SNRPN: variants seen among roughly 807,000 people sequenced by gnomAD.
SNRPN encodes small nuclear ribonucleoprotein polypeptide N.
A neutral mutation model predicts 25.2 loss-of-function variants in SNRPN; 7 were observed. That is an observed-to-expected ratio of 0.28 (90% CI 0.16 to 0.52). SNRPN has a LOEUF of 0.52. SNRPN is among the 20% of genes least tolerant of loss of function. SNRPN has a pLI of 0.96. For synonymous variants in SNRPN, 124 were observed against 110.6 expected (o/e 1.12, Z -0.76); for missense variants, 196 against 322.5 (o/e 0.61, Z 3.00).
At chr15:24,973,251 A>G (rs957533149) in intron 3 of SNRPN, among the ~76,000 whole-genome samples, 1 of 152,068 alleles carries the variant, frequency 6.6e-6, no homozygotes, top group East Asian at 1.9e-4. Flanking sequence ...CATGATATAC[A>G]GGTTTGTAGC....
intron 1 of SNRPN, among the ~76,000 whole-genome samples, chr15:24,864,692 C>T (rs2054397756): frequency 6.6e-6 from 1 of 151,900 alleles, no homozygotes; most frequent in Non-Finnish European, 1.5e-5. Flanking sequence ...TACATTTCCC[C>T]CCTATGCTCC....
chr15:24,907,599 A>G (rs1179667018), intron 2 of SNRPN, among the ~76,000 whole-genome samples: 1 of 151,962 alleles, frequency 6.6e-6, no homozygotes, highest in Admixed American at 6.6e-5. Context: ...CTCCATCTCA[A>G]AAAAAAGAAA....
chr15:24,905,615 G>C (rs1019947340), intron 2 of SNRPN, among the ~76,000 whole-genome samples: 4 of 152,030 alleles, frequency 2.6e-5, no homozygotes, highest in Admixed American at 2.0e-4. Flanking sequence ...TGTAACATTT[G>C]TTGGGACTTG....
chr15:24,857,382 T>A (rs750250115), intron 1 of SNRPN, among the ~76,000 whole-genome samples: 6 of 152,218 alleles, frequency 3.9e-5, no homozygotes, highest in Admixed American at 6.5e-5. Context: ...TATATTTTTT[T>A]CTTACTATTT....
chr15:24,918,342 A>ATATATATATAACATTATATATATGTG (rs2059672093), intron 2 of SNRPN, among the ~76,000 whole-genome samples: 1 of 47,098 alleles, frequency 2.1e-5, no homozygotes, highest in Admixed American at 2.3e-4. Context: ...ATATATGTGT[A>ATATATATATAACATTATATATATGTG]TATATATATA....
chr15:24,919,294 C>A (rs549406024), intron 2 of SNRPN, among the ~76,000 whole-genome samples: 63 of 151,540 alleles, frequency 4.2e-4, no homozygotes, highest in African/African-American at 1.4e-3. Flanking sequence ...AGCCGGGCGT[C>A]GTGGCGGGCA....
At chr15:24,913,389 T>A (rs2059332449) in intron 2 of SNRPN, among the ~76,000 whole-genome samples, 1 of 152,064 alleles carries the variant, frequency 6.6e-6, no homozygotes, top group Admixed American at 6.5e-5. Context: ...ACGCCTGTAA[T>A]CTCAGCACTT....
At chr15:24,832,899 G>T (rs964521930) in intron 2 of SNRPN, among the ~76,000 whole-genome samples, 1 of 151,908 alleles carries the variant, frequency 6.6e-6, no homozygotes, top group Non-Finnish European at 1.5e-5. Flanking sequence ...GAGGTCAGGA[G>T]ATCGAGGCCA....
chr15:24,835,367 C>G lies in SNRPN; in HGVS notation c.-579+5462C>G, dbSNP rs1049079972. 1.2e-4 allele frequency among the ~76,000 whole-genome samples: 18 copies of G among 151,620 alleles called. 1 individual carries two copies. Among genetic ancestry groups the G allele is most frequent in the African/African-American group, 1.9e-4 (8 of 41,204 alleles). On this transcript the variant is annotated intron_variant, in intron 2 of 12. Coordinates refer to the SNRPN transcript ENST00000400100. Reference sequence around the variant, plus strand: ...TGTCCAATTTTGTTCAAACTTTAATCAAATGCCTAAGAATTTAAAATTACC... The same window carrying G: ...TGTCCAATTTTGTTCAAACTTTAATGAAATGCCTAAGAATTTAAAATTACC...
At chr15:24,934,994 G>A (rs1388989865) in intron 3 of SNRPN, among the ~76,000 whole-genome samples, 2 of 152,098 alleles carry the variant, frequency 1.3e-5, no homozygotes, top group Non-Finnish European at 2.9e-5. Flanking sequence ...TTTTTGTGCC[G>A]GGTTCAGTGG....
At chr15:24,837,430 G>A (rs568767658) in intron 2 of SNRPN, among the ~76,000 whole-genome samples, 2 of 150,548 alleles carry the variant, frequency 1.3e-5, no homozygotes, top group African/African-American at 2.5e-5. Context: ...TGCAGTGGCT[G>A]CGATCTTGGC....
intron 1 of SNRPN, among the ~76,000 whole-genome samples, chr15:24,960,140 C>G (rs1383714928): frequency 6.6e-6 from 1 of 151,408 alleles, no homozygotes; most frequent in Non-Finnish European, 1.5e-5. Flanking sequence ...TGGTGCATGC[C>G]TGTAATCCCA....
chr15:24,972,599 A>G (rs2076563336), intron 3 of SNRPN, among the ~76,000 whole-genome samples: 1 of 145,526 alleles, frequency 6.9e-6, no homozygotes, highest in Admixed American at 7.0e-5. Context: ...GCTGGAGTGC[A>G]ATGGTGCGAT....
intron 1 of SNRPN, among the ~76,000 whole-genome samples, chr15:24,869,842 T>G (rs1246486340): frequency 2.0e-5 from 3 of 152,202 alleles, no homozygotes; most frequent in Admixed American, 2.0e-4. Context: ...AGTTATGCTC[T>G]ACCTCCTTAT....
intron 2 of SNRPN, among the ~76,000 whole-genome samples, chr15:24,835,551 G>C (rs1199567678): frequency 6.6e-6 from 1 of 151,980 alleles, no homozygotes; most frequent in Non-Finnish European, 1.5e-5. Context: ...ATGTGTTTAG[G>C]AATACTAAAA....
chr15:24,967,779 G>A (rs921524948), intron 2 of SNRPN, among the ~76,000 whole-genome samples, 153 bp from the exon 3 acceptor site: 2 of 140,792 alleles, frequency 1.4e-5, no homozygotes, highest in African/African-American at 2.7e-5. Flanking sequence ...TTGCACTCCA[G>A]CCTGGGCAAC....
Position 24,977,809 on chromosome 15 carries a change from C to A in SNRPN, c.452C>A (p.Ala151Glu). Residue 151 changes from alanine (A) to glutamate (E), a missense_variant, in exon 8 of 10, where the codon GCA (alanine) becomes GAA (glutamate). Coordinates refer to ENST00000390687, the MANE Select transcript of SNRPN (RefSeq NM_003097.6). ...VMTPQGRGTV[A>E]AAAVAATASI... ...ACTCCACAGGGAAGAGGCACTGTAG[C>A]AGCTGCTGCTGTTGCTGCGACTGCC... is the stretch of plus-strand genomic sequence containing the variant. 2 of 1,613,160 alleles carry A rather than the reference C, an allele frequency of 1.2e-6. No homozygotes were observed. The highest frequency in any genetic ancestry group is 8.5e-7 in the Non-Finnish European group (1 of 1,179,476).
At chr15:24,947,810 G>T (rs1259695831) in intron 3 of SNRPN, among the ~76,000 whole-genome samples, 1 of 152,088 alleles carries the variant, frequency 6.6e-6, no homozygotes, top group Admixed American at 6.5e-5. Context: ...TAAGGAAAAA[G>T]AAAGTAATTT....
intron 1 of SNRPN, among the ~76,000 whole-genome samples, chr15:24,956,609 G>C (rs2153378245): frequency 6.6e-6 from 1 of 152,046 alleles, no homozygotes; most frequent in African/African-American, 2.4e-5. Context: ...GGGGAGCGAG[G>C]GCTTACGCAG....
Sources: gnomAD v4.1 joint callset for allele counts (sites outside exome capture counted in the v4.1 genomes callset) on GRCh38, gnomAD v4.1.1 for gene constraint, MANE v1.5 for transcripts, NCBI Gene and HGNC (gene_info 2026-07-23, HGNC 2026-07-21) for gene names.